The following PCDHGB7 variants were observed in gnomAD, a reference collection of about 807,000 sequenced individuals.
PCDHGB7 encodes protocadherin gamma-B7.
PCDHGB7 carries 37 observed loss-of-function variants against 61.4 expected under a neutral mutation model. The observed-to-expected ratio is 0.60, with a 90% CI of 0.46 to 0.79. The LOEUF (loss-of-function observed/expected upper bound fraction) is 0.79. Among genes scored for constraint, PCDHGB7 ranks in the 30% least tolerant of loss-of-function variants. PCDHGB7 has a pLI of 0.00. For missense variants in PCDHGB7, 1,166 were observed against 1,202.5 expected (o/e 0.97, Z 0.45); for synonymous variants, 464 against 503.5 (o/e 0.92, Z 1.05).
intron 1 of PCDHGB7, chr5:141,421,959 A>T: frequency 6.2e-7 from 1 of 1,612,798 alleles, no homozygotes; most frequent in Non-Finnish European, 8.5e-7. Flanking sequence ...CAATGTTTAC[A>T]CAGTCCGTAT....
chr5:141,422,838 C>G, intron 1 of PCDHGB7: 3 of 1,614,252 alleles, frequency 1.9e-6, no homozygotes, highest in African/African-American at 2.7e-5. Flanking sequence ...TAGCACGTGA[C>G]AGCGGGGACC....
At position 141,419,751 on chromosome 5, in the gene PCDHGB7, C is replaced by T. The variant is rs140649685; in HGVS notation, c.1892C>T (p.Ala631Val). ...ACAGGCGAGGTGCGCATGGTGCGTG[C>T]TTTGGGTGACAAGGACTCGGTCCGC... ...LRTGEVRMVR[A>V]LGDKDSVRQR... The change falls in exon 1 of 4, where the codon GCT (alanine) becomes GTT (valine). Residue 631 changes from alanine (A) to valine (V), a missense_variant. Ala to Val is a moderately conservative substitution (Grantham distance 64). Transcript: ENST00000398594. 1 of 1,613,900 alleles carries T rather than the reference C, an allele frequency of 6.2e-7. No individual in the cohort carries two copies. Among genetic ancestry groups the T allele is most frequent in the African/African-American group, 1.3e-5 (1 of 75,072 alleles).
chr5:141,498,531 G>A (rs1384404653), intron 2 of PCDHGB7, among the ~76,000 whole-genome samples: 3 of 148,544 alleles, frequency 2.0e-5, no homozygotes, highest in Non-Finnish European at 4.4e-5. Context: ...CTGCCCTCCA[G>A]CCTGGTCTGG....
intron 1 of PCDHGB7, among the ~76,000 whole-genome samples, chr5:141,446,698 G>A (rs750413432): frequency 2.0e-5 from 3 of 152,186 alleles, no homozygotes; most frequent in Admixed American, 6.5e-5. Flanking sequence ...GGCTGGTCTC[G>A]AACTCTGATC....
chr5:141,501,182 C>A (rs531641143), intron 2 of PCDHGB7, among the ~76,000 whole-genome samples: 1 of 152,126 alleles, frequency 6.6e-6, no homozygotes, highest in Non-Finnish European at 1.5e-5. Context: ...TACATTTTAA[C>A]ACAATTAAAT....
intron 1 of PCDHGB7, among the ~76,000 whole-genome samples, chr5:141,457,465 A>G (rs915755113): frequency 1.3e-5 from 2 of 152,194 alleles, no homozygotes; most frequent in African/African-American, 2.4e-5. Context: ...GATTCACAGG[A>G]ATAAGCAGGG....
chr5:141,427,528 A>G (rs1360860476), intron 1 of PCDHGB7: 1 of 617,748 alleles, frequency 1.6e-6, no homozygotes, highest in Non-Finnish European at 3.0e-6. Context: ...CGGATCCCGG[A>G]GTACAACGTC....
rs70988802 is a variant in PCDHGB7 at position 141,450,006 on chromosome 5, C to CTATTTTTTTT, written c.2415+29733_2415+29734insATTTTTTTTT. ...CACATTGCATTTAGTTGCCATGTCTCTTTTTTTTTTTTTTTTTTGAGACAG... is the reference window on the plus strand; with the variant it reads ...CACATTGCATTTAGTTGCCATGTCTCTATTTTTTTTTTTTTTTTTTTTTTTTTTGAGACAG... On this transcript the variant is annotated intron_variant, in intron 1 of 3. Transcript: ENST00000398594. Among the ~76,000 whole-genome samples the CTATTTTTTTT allele has an allele frequency of 3.0e-5, 4 of 132,980 alleles. 1 individual carries two copies. The highest frequency in any genetic ancestry group is 5.6e-5 in the African/African-American group (2 of 35,572). 87.2% of individuals were successfully genotyped at this position (132,980 alleles called of 152,430 possible). A position where few individuals can be genotyped will look rare whatever the true frequency, so the allele number is the denominator to read the frequency against.
rs146919978 is a variant in PCDHGB7, at chr5:141,489,268, G to A, written c.2416-5539G>A. 1,443 of 1,553,166 alleles carry A rather than the reference G, an allele frequency of 9.3e-4. 2 individuals are homozygous for A. The highest frequency in any genetic ancestry group is 1.2e-3 in the Non-Finnish European group (1,381 of 1,149,786). On this transcript the variant is annotated intron_variant, in intron 1 of 3. Transcript: ENST00000398594. The surrounding 1 kb of genome is among the most constrained non-coding windows in gnomAD (Gnocchi z 4.5). ...GGGGCCCAAGACACTCCCACAGCTCGCTGGGAAATGGCAAGTGCTGTGCAT... is the reference window on the plus strand; with the variant it reads ...GGGGCCCAAGACACTCCCACAGCTCACTGGGAAATGGCAAGTGCTGTGCAT...
rs2734872 is a variant in PCDHGB7 at position 141,474,454 on chromosome 5, C to T, written c.2416-20353C>T. On this transcript the variant is annotated intron_variant, in intron 1 of 3. Transcript: ENST00000398594. ...ACACTTTGAGTAGCAAGTGATTGGG[C>T]TATACTCTTTATTCTAAATTCTAAA... Among the ~76,000 whole-genome samples, 6 of 152,308 alleles carry T rather than the reference C, an allele frequency of 3.9e-5. No individual in the cohort carries two copies. The East Asian group carries it at 1.2e-3, about 29-fold the overall frequency.
At chr5:141,496,509 C>A (rs955577717) in intron 2 of PCDHGB7, among the ~76,000 whole-genome samples, 3 of 152,168 alleles carry the variant, frequency 2.0e-5, no homozygotes, top group Non-Finnish European at 4.4e-5. Context: ...GCCACAAGGA[C>A]CCAGGAGCCC....
intron 1 of PCDHGB7, among the ~76,000 whole-genome samples, chr5:141,464,794 A>C (rs2154568597): frequency 6.6e-6 from 1 of 152,128 alleles, no homozygotes; most frequent in East Asian, 1.9e-4. Flanking sequence ...GCCAAATTGC[A>C]GTGATGCAGT....
chr5:141,467,554 T>A (rs2099145880), intron 1 of PCDHGB7, among the ~76,000 whole-genome samples: 1 of 152,238 alleles, frequency 6.6e-6, no homozygotes. Flanking sequence ...TATATCTTTT[T>A]TCCCAAATGG....
At chr5:141,438,268 C>T (rs949472857) in intron 1 of PCDHGB7, among the ~76,000 whole-genome samples, 1 of 152,054 alleles carries the variant, frequency 6.6e-6, no homozygotes. Flanking sequence ...ACCATAGAAT[C>T]AAACAAAATA....
At chr5:141,475,571 G>A (rs1426547386) in intron 1 of PCDHGB7, among the ~76,000 whole-genome samples, 1 of 152,212 alleles carries the variant, frequency 6.6e-6, no homozygotes, top group East Asian at 1.9e-4. Context: ...CTTCCAACAA[G>A]CCAGATTTGT....
At chr5:141,421,564 G>T (rs2096583836) in intron 1 of PCDHGB7, 2 of 1,613,864 alleles carry the variant, frequency 1.2e-6, no homozygotes, top group Admixed American at 3.3e-5. Flanking sequence ...TCTCGTGGAA[G>T]ACACCTTGAA....
At chr5:141,435,103 G>A (rs1468698388) in intron 1 of PCDHGB7, among the ~76,000 whole-genome samples, 2 of 151,914 alleles carry the variant, frequency 1.3e-5, no homozygotes, top group African/African-American at 2.4e-5. Flanking sequence ...TTTATCTAGG[G>A]GGGAGAAATC....
intron 1 of PCDHGB7, chr5:141,424,773 T>C (rs1398493027): frequency 6.6e-6 from 1 of 152,206 alleles, no homozygotes; most frequent in African/African-American, 2.4e-5. Flanking sequence ...TGGCAAATAG[T>C]ACATTCAGTT....
intron 2 of PCDHGB7, among the ~76,000 whole-genome samples, chr5:141,501,956 A>G (rs527567012): frequency 6.6e-6 from 1 of 152,136 alleles, no homozygotes; most frequent in Non-Finnish European, 1.5e-5. Context: ...GTGACAGGTC[A>G]TCCTCCTAAC....
Sources: gnomAD v4.1 joint callset for allele counts (sites outside exome capture counted in the v4.1 genomes callset) on GRCh38, gnomAD v4.1.1 for gene constraint, Gnocchi (gnomAD v3.1) non-coding constraint, MANE v1.5 for transcripts, NCBI Gene and HGNC (gene_info 2026-07-23, HGNC 2026-07-21) for gene names.